The following NPR3 variants were observed in gnomAD, a reference collection of about 807,000 sequenced individuals.
The protein encoded by NPR3 is natriuretic peptide receptor 3, also known as atrial natriuretic peptide receptor 3.
In NPR3, 34 loss-of-function variants were observed where a neutral mutation model predicts 54.5. The ratio of observed to expected loss-of-function variants is 0.62; its 90% CI spans 0.47 to 0.83. The LOEUF (loss-of-function observed/expected upper bound fraction) is 0.83, where lower values mean the gene tolerates loss of function less well. NPR3 is among the 40% of genes least tolerant of loss of function. The pLI, the probability that NPR3 is intolerant of heterozygous loss-of-function variation, is 0.00. For synonymous variants in NPR3, 289 were observed against 297.1 expected, an observed-to-expected ratio of 0.97 and a Z score of 0.28; for missense variants, 674 against 720.8, an observed-to-expected ratio of 0.94 and a Z score of 0.74.
intron 3 of NPR3, among the ~76,000 whole-genome samples, chr5:32,768,280 G>A (rs763123988): frequency 2.8e-4 from 42 of 152,188 alleles, no homozygotes; most frequent in Non-Finnish European, 6.0e-4. Context: ...GTCATCTGAA[G>A]GCCAGGAACG....
chr5:32,779,337 G>A (rs1430995029), intron 4 of NPR3, among the ~76,000 whole-genome samples: 1 of 152,208 alleles, frequency 6.6e-6, no homozygotes. Context: ...TGGGGCTGAT[G>A]TACGCATTCT....
intron 1 of NPR3, among the ~76,000 whole-genome samples, chr5:32,724,166 C>T (rs1055096901): frequency 6.6e-6 from 1 of 152,162 alleles, no homozygotes; most frequent in Non-Finnish European, 1.5e-5. Flanking sequence ...AAATTTTCCA[C>T]CAGTCATCTT....
At chr5:32,764,738 A>G (rs1741357280) in intron 3 of NPR3, among the ~76,000 whole-genome samples, 1 of 139,728 alleles carries the variant, frequency 7.2e-6, no homozygotes, top group Non-Finnish European at 1.5e-5. Flanking sequence ...CAGTGAGCCG[A>G]GATCACGCCA....
chr5:32,712,222 A>G lies in NPR3; in HGVS notation c.446A>G (p.His149Arg). Residue 149 changes from histidine to arginine, a missense_variant, in exon 1 of 8, where the codon CAC (histidine) becomes CGC (arginine). By Grantham distance (29) the His-to-Arg change is conservative. Coordinates refer to ENST00000265074, the MANE Select transcript of NPR3 (RefSeq NM_001204375.2). ...AAAPVARLASHWDLPMLSAGA... is the reference protein window; with the variant it reads ...AAAPVARLASRWDLPMLSAGA... ...GCGCCAGTGGCCCGGCTTGCATCGCACTGGGACCTGCCCATGCTGTCGGCT... is the reference window on the plus strand; with the variant it reads ...GCGCCAGTGGCCCGGCTTGCATCGCGCTGGGACCTGCCCATGCTGTCGGCT... The G allele has an allele frequency of 6.2e-7, 1 of 1,612,728 alleles. No individual in the cohort carries two copies. Among genetic ancestry groups the G allele is most frequent in the South Asian group, 1.1e-5 (1 of 91,034 alleles).
Position 32,712,068 on chromosome 5 carries a change from C to G in NPR3, c.292C>G (p.Arg98Gly), listed in dbSNP as rs2111840861. ...GAGGCGGCTTCTGCCGCCGGGCACTCGCTTCCAGGTGGCTTACGAGGATTC... is the reference window on the plus strand; with the variant it reads ...GAGGCGGCTTCTGCCGCCGGGCACTGGCTTCCAGGTGGCTTACGAGGATTC... ...TGRRLLPPGTRFQVAYEDSDC... is the reference protein window; with the variant it reads ...TGRRLLPPGTGFQVAYEDSDC... Residue 98 changes from arginine (R) to glycine (G), a missense_variant, in exon 1 of 8, where the codon CGC becomes GGC. By Grantham distance (125) the Arg-to-Gly change is moderately radical. Transcript: ENST00000265074. The G allele has an allele frequency of 1.9e-6, 3 of 1,613,866 alleles. No homozygotes were observed. The highest frequency in any genetic ancestry group is 2.2e-5 in the South Asian group (2 of 91,088).
intron 2 of NPR3, 86 bp downstream of exon 2, chr5:32,724,906 T>C: frequency 6.9e-7 from 1 of 1,441,220 alleles, no homozygotes; most frequent in Non-Finnish European, 9.7e-7. Context: ...GGATAAATAA[T>C]ATGTGGTACA....
chr5:32,746,467 A>G (rs1309995535), intron 3 of NPR3, among the ~76,000 whole-genome samples: 4 of 152,234 alleles, frequency 2.6e-5, no homozygotes, highest in African/African-American at 9.6e-5. Context: ...TGGATAGGGT[A>G]CGACAACATC....
At chr5:32,721,916 G>A (rs992745200) in intron 1 of NPR3, among the ~76,000 whole-genome samples, 2 of 152,192 alleles carry the variant, frequency 1.3e-5, no homozygotes, top group African/African-American at 4.8e-5. Context: ...GAGAGCAAAT[G>A]TGTGCCAGCT....
chr5:32,756,716 A>C (rs958379526), intron 3 of NPR3, among the ~76,000 whole-genome samples: 15 of 152,152 alleles, frequency 9.9e-5, no homozygotes, highest in African/African-American at 3.1e-4. Context: ...AGGTTTTCTT[A>C]TAGGGTTTTT....
At position 32,703,311 on chromosome 5, in the gene NPR3, G is replaced by A. The variant is rs576342676; in HGVS notation, c.100+14125G>A. ...TTCCAAGAGCCAAGGCCTGGAACTGGGGACCCCAAAAGCCCGTTTAGTGTT... is the reference window on the plus strand; with the variant it reads ...TTCCAAGAGCCAAGGCCTGGAACTGAGGACCCCAAAAGCCCGTTTAGTGTT... On this transcript the variant is annotated intron_variant, in intron 1 of 5. Coordinates refer to the NPR3 transcript ENST00000509104. 3.9e-5 allele frequency among the ~76,000 whole-genome samples: 6 copies of A among 152,194 alleles called. 1 individual carries two copies. The East Asian group carries it at 9.7e-4, about 25-fold the overall frequency.
intron 1 of NPR3, among the ~76,000 whole-genome samples, chr5:32,704,010 G>C (rs1737912064): frequency 6.6e-6 from 1 of 152,228 alleles, no homozygotes; most frequent in Non-Finnish European, 1.5e-5. Context: ...CTGTGGCAAG[G>C]CTTGTTGTAT....
chr5:32,717,853 AGT>A (rs144921140), intron 1 of NPR3, among the ~76,000 whole-genome samples: 34,181 of 152,010 alleles, frequency 0.22, 4,085 homozygotes, highest in Middle Eastern at 0.36. Flanking sequence ...GAAGCTCTTT[AGT>A]TTAATTAGGT....
intron 2 of NPR3, among the ~76,000 whole-genome samples, chr5:32,728,442 A>C (rs999579020): frequency 3.4e-5 from 5 of 148,622 alleles, no homozygotes; most frequent in African/African-American, 1.0e-4. Flanking sequence ...CAGCCTGGGC[A>C]ACAAGAGTGA....
chr5:32,712,428 G>C lies in NPR3; in HGVS notation c.652G>C (p.Glu218Gln), dbSNP rs1416416152. 3 of 1,612,764 alleles carry C rather than the reference G, an allele frequency of 1.9e-6. No homozygotes were observed. The highest frequency in any genetic ancestry group is 2.5e-6 in the Non-Finnish European group (3 of 1,179,550). Residue 218 changes from glutamate (E) to glutamine (Q), a missense_variant, in exon 1 of 8, where the codon GAG becomes CAG. By Grantham distance (29) the Glu-to-Gln change is conservative (BLOSUM62 2). Coordinates refer to ENST00000265074, the MANE Select transcript of NPR3 (RefSeq NM_001204375.2). ...KLERNCYFTL[E>Q]GVHEVFQEEG... ...GGAGCGGAACTGCTACTTCACCCTC[G>C]AGGGGGTCCACGAGGTCTTCCAGGA... is the stretch of plus-strand genomic sequence containing the variant.
intron 1 of NPR3, 88 bp downstream of exon 1, chr5:32,712,633 A>G: frequency 8.0e-7 from 1 of 1,247,256 alleles, no homozygotes; most frequent in Non-Finnish European, 1.1e-6. Flanking sequence ...TGCAGACCCC[A>G]CTCCCCACTG....
At chr5:32,722,997 C>CAGAGTCATGATCTAACACTGA (rs1406539171) in intron 1 of NPR3, among the ~76,000 whole-genome samples, 1 of 152,090 alleles carries the variant, frequency 6.6e-6, no homozygotes, top group East Asian at 1.9e-4. Flanking sequence ...TATGAAATGT[C>CAGAGTCATGATCTAACACTGA]AGAGTCATGA....
In NPR3 at chr5:32,788,476, C is replaced by G. The variant is rs1742746989; in HGVS notation, c.*2131C>G. 6.6e-6 allele frequency: 1 copy of G among 152,082 alleles called. No individual in the cohort carries two copies. The highest frequency in any genetic ancestry group is 2.1e-4 in the South Asian group (1 of 4,824). The allele number at this position is 152,082 out of a possible 1,614,324, so 9.4% of individuals were successfully genotyped here. ...CATTTTTATTTTTCAATGATGTTTT[C>G]TTTATATTTTAGAGATATTCATTTT... is the stretch of plus-strand genomic sequence containing the variant. On this transcript the variant is annotated 3_prime_UTR_variant, in exon 8 of 8. Transcript: ENST00000265074.
At chr5:32,710,346 G>T (rs6868454), upstream of NPR3, 6,937 of 170,396 alleles carry the variant, frequency 0.041, 541 homozygotes, top group African/African-American at 0.16. Flanking sequence ...GGACCTACCG[G>T]GAACGTTTTG....
intron 2 of NPR3, among the ~76,000 whole-genome samples, chr5:32,730,069 C>A (rs1739375065): frequency 1.3e-5 from 2 of 152,080 alleles, no homozygotes; most frequent in African/African-American, 4.8e-5. Context: ...CTCAGTCTTT[C>A]CTTGTCTTTC....
Sources: allele counts gnomAD v4.1 joint callset (sites outside exome capture counted in the v4.1 genomes callset), GRCh38; gene constraint gnomAD v4.1.1; transcripts MANE v1.5; gene names NCBI Gene and HGNC (gene_info 2026-07-23, HGNC 2026-07-21).